Variants in GALNTL6 observed in about 807,000 individuals in gnomAD.
GALNTL6 encodes the protein polypeptide N-acetylgalactosaminyltransferase-like 6.
GALNTL6 carries 46 observed loss-of-function variants against 73.7 expected under a neutral mutation model. The observed-to-expected ratio is 0.62, with a 90% confidence interval of 0.49 to 0.80. The LOEUF (loss-of-function observed/expected upper bound fraction) is 0.80, where lower values mean the gene tolerates loss of function less well. Among genes scored for constraint, GALNTL6 ranks in the 30% least tolerant of loss-of-function variants. GALNTL6 has a pLI of 0.00. For missense variants in GALNTL6, 604 were observed against 755.0 expected (o/e 0.80, Z 2.34); for synonymous variants, 259 against 263.7 (o/e 0.98, Z 0.17).
At chr4:172,003,925 A>C (rs941772997) in intron 2 of GALNTL6, among the ~76,000 whole-genome samples, 2 of 152,152 alleles carry the variant, frequency 1.3e-5, no homozygotes, top group African/African-American at 4.8e-5. Flanking sequence ...TGACTCCTGC[A>C]CTGAATTTAC....
rs193100197 is a variant in GALNTL6, at chr4:172,248,535, C to T, written c.247+18771C>T. Among the ~76,000 whole-genome samples, 558 of 152,212 alleles carry T rather than the reference C, an allele frequency of 3.7e-3. 6 individuals are homozygous for T. The highest frequency in any genetic ancestry group is 0.013 in the African/African-American group (538 of 41,536). On this transcript the variant is annotated intron_variant, in intron 3 of 12. Transcript: ENST00000506823. The stretch of plus-strand genomic sequence containing the variant: ...GAGGTAAAGTCCTCATGCCAGGCTC[C>T]CTGGAAAGCAGCAGAACAGATTGCT...
intron 5 of GALNTL6, among the ~76,000 whole-genome samples, chr4:172,670,133 C>T (rs1041574438): frequency 2.6e-5 from 4 of 152,050 alleles, no homozygotes; most frequent in South Asian, 2.1e-4. Flanking sequence ...TGAACATATG[C>T]GTTCATGTAT....
intron 5 of GALNTL6, among the ~76,000 whole-genome samples, chr4:172,491,661 T>C (rs1240207458): frequency 6.6e-6 from 1 of 152,118 alleles, no homozygotes; most frequent in Non-Finnish European, 1.5e-5. Flanking sequence ...GGAGATAAAA[T>C]AGGCTGGAAA....
intron 5 of GALNTL6, among the ~76,000 whole-genome samples, chr4:172,588,466 T>C (rs1396702807): frequency 6.6e-6 from 1 of 150,916 alleles, no homozygotes. Context: ...TGGTGGCGTG[T>C]ACCTGTTGCC....
chr4:172,817,333 A>G (rs1216042160), intron 7 of GALNTL6, among the ~76,000 whole-genome samples: 1 of 152,018 alleles, frequency 6.6e-6, no homozygotes, highest in African/African-American at 2.4e-5. Flanking sequence ...TGGGAAGCTG[A>G]GGTGGGAGGA....
chr4:172,570,454 G>A (rs1736718806), intron 5 of GALNTL6, among the ~76,000 whole-genome samples: 1 of 152,128 alleles, frequency 6.6e-6, no homozygotes, highest in African/African-American at 2.4e-5. Context: ...CTTCAGACTG[G>A]TGCTGTATTT....
chr4:171,911,068 T>A (rs2110962113), intron 2 of GALNTL6, among the ~76,000 whole-genome samples: 1 of 152,366 alleles, frequency 6.6e-6, no homozygotes, highest in South Asian at 2.1e-4. Context: ...ATAGTTTTTC[T>A]ATCATTAGTG....
intron 2 of GALNTL6, among the ~76,000 whole-genome samples, chr4:172,223,721 G>A (rs1357625872): frequency 1.3e-5 from 2 of 152,042 alleles, no homozygotes; most frequent in East Asian, 3.8e-4. Context: ...TCAAATTCTA[G>A]CTTGCCACTT....
chr4:171,981,497 T>A (rs1739893939), intron 2 of GALNTL6, among the ~76,000 whole-genome samples: 1 of 152,196 alleles, frequency 6.6e-6, no homozygotes, highest in Admixed American at 6.5e-5. Flanking sequence ...GTTGGCAAAT[T>A]ATGAGGGAGG....
chr4:172,528,459 G>A (rs914713289), intron 5 of GALNTL6, among the ~76,000 whole-genome samples: 1 of 150,540 alleles, frequency 6.6e-6, no homozygotes, highest in Non-Finnish European at 1.5e-5. Context: ...CCAGGTTCAA[G>A]TGATTCTCCT....
intron 5 of GALNTL6, among the ~76,000 whole-genome samples, chr4:172,611,531 A>G (rs1738526536): frequency 1.3e-5 from 2 of 152,058 alleles, no homozygotes; most frequent in South Asian, 2.1e-4. Context: ...GGTTCTGCCA[A>G]AAGGTCCACT....
At chr4:172,601,926 G>T (rs1449682341) in intron 5 of GALNTL6, among the ~76,000 whole-genome samples, 3 of 151,984 alleles carry the variant, frequency 2.0e-5, no homozygotes, top group Non-Finnish European at 4.4e-5. Context: ...TTACTCAAAA[G>T]AACTTAATAG....
At chr4:172,341,665 A>C (rs1023367801) in intron 4 of GALNTL6, among the ~76,000 whole-genome samples, 2 of 151,928 alleles carry the variant, frequency 1.3e-5, no homozygotes, top group Non-Finnish European at 2.9e-5. Context: ...GGTGTGAAAA[A>C]CAGGAGTTTC....
At chr4:172,296,062 A>G (rs1578922726) in intron 3 of GALNTL6, among the ~76,000 whole-genome samples, 1 of 152,110 alleles carries the variant, frequency 6.6e-6, no homozygotes, top group African/African-American at 2.4e-5. Context: ...CCTCAGGGGG[A>G]AAGTGTTCAC....
chr4:172,322,406 A>G lies in GALNTL6; in HGVS notation c.386+10654A>G, dbSNP rs187870375. 2.0e-3 allele frequency among the ~76,000 whole-genome samples: 305 copies of G among 152,330 alleles called. 1 individual carries two copies. Among genetic ancestry groups the G allele is most frequent in the African/African-American group, 6.9e-3 (287 of 41,582 alleles). On this transcript the variant is annotated intron_variant, in intron 4 of 12. Transcript: ENST00000506823. ...ACAGACCCATACAAATTCACCACCT[A>G]TAACACCAACATTGAAGACAAATAG...
intron 4 of GALNTL6, among the ~76,000 whole-genome samples, chr4:172,317,032 C>T (rs1158010019): frequency 1.3e-5 from 2 of 152,128 alleles, no homozygotes; most frequent in African/African-American, 2.4e-5. Flanking sequence ...AGGCCAGGTG[C>T]GTTTGTCTAA....
chr4:171,975,160 AT>A (rs1434036207), intron 2 of GALNTL6, among the ~76,000 whole-genome samples: 1 of 152,120 alleles, frequency 6.6e-6, no homozygotes, highest in Non-Finnish European at 1.5e-5. Context: ...GATTCCAGTT[AT>A]TTTCCTCAAT....
intron 4 of GALNTL6, among the ~76,000 whole-genome samples, chr4:172,328,797 G>A (rs1741027677): frequency 6.6e-6 from 1 of 152,152 alleles, no homozygotes; most frequent in Non-Finnish European, 1.5e-5. Context: ...CTTGGATTAA[G>A]TTTGCCATTC....
At chr4:172,631,999 G>T (rs551630519) in intron 5 of GALNTL6, among the ~76,000 whole-genome samples, 1 of 152,282 alleles carries the variant, frequency 6.6e-6, no homozygotes, top group South Asian at 2.1e-4. Flanking sequence ...TTTTATAAAT[G>T]GGAGTTCCCC....
Sources: gnomAD v4.1 joint callset for allele counts (sites outside exome capture counted in the v4.1 genomes callset) on GRCh38, gnomAD v4.1.1 for gene constraint, MANE v1.5 for transcripts, NCBI Gene and HGNC (gene_info 2026-07-23, HGNC 2026-07-21) for gene names.